Variants in TDRD7 observed in about 807,000 individuals in gnomAD.
TDRD7 encodes the protein tudor domain-containing protein 7.
A neutral mutation model predicts 109.8 loss-of-function variants in TDRD7; 47 were observed. The ratio of observed to expected loss-of-function variants is 0.43; its 90% CI spans 0.34 to 0.55. The LOEUF is 0.55. TDRD7 is among the 20% of genes least tolerant of loss of function. TDRD7 has a pLI of 0.03. For missense variants in TDRD7, 1,164 were observed against 1,319.2 expected (o/e 0.88, Z 1.82); for synonymous variants, 424 against 457.3 (o/e 0.93, Z 0.93).
rs1828783514 is a variant in TDRD7 at position 97,464,256 on chromosome 9, G to A, written c.1443-586G>A. ...GGACACTATCGCTGCTTCCTGTTAT[G>A]CCCTCTCGTTGTCTGGATTGCTCCA... On this transcript the variant is annotated intron_variant, in intron 7 of 16. Transcript: ENST00000355295. Among the ~76,000 whole-genome samples the A allele has an allele frequency of 2.0e-5, 3 of 152,118 alleles. No individual in the cohort carries two copies. In the South Asian group the frequency reaches 6.2e-4, roughly 31 times the overall value.
intron 14 of TDRD7, 86 bp downstream of exon 14, chr9:97,481,024 C>G (rs1587892177): frequency 8.7e-7 from 1 of 1,151,564 alleles, no homozygotes; most frequent in Middle Eastern, 1.9e-4. Flanking sequence ...GGAATTTTAT[C>G]TCACTGTAAA....
chr9:97,474,566 C>T lies in TDRD7; in HGVS notation c.2080-817C>T, dbSNP rs934517971. ...AATATGTGCCGAATCAGCTTAAACCCGCATTCAAAGTACAGTCTGGAATTG... is the reference window on the plus strand; with the variant it reads ...AATATGTGCCGAATCAGCTTAAACCTGCATTCAAAGTACAGTCTGGAATTG... On this transcript the variant is annotated intron_variant, in intron 11 of 16. Transcript: ENST00000355295. Among the ~76,000 whole-genome samples, 12 of 152,120 alleles carry T rather than the reference C, an allele frequency of 7.9e-5. No individual in the cohort carries two copies. The South Asian group carries it at 8.3e-4, about 11-fold the overall frequency.
At chr9:97,489,780 A>G (rs967552191) in intron 16 of TDRD7, among the ~76,000 whole-genome samples, 1 of 152,120 alleles carries the variant, frequency 6.6e-6, no homozygotes, top group African/African-American at 2.4e-5. Flanking sequence ...ATTTTAAGTA[A>G]TGCCACTTTC....
At position 97,460,574 on chromosome 9, in the gene TDRD7, G is replaced by A. The variant is rs776583414; in HGVS notation, c.1252G>A (p.Gly418Arg). 6.2e-7 allele frequency: 1 copy of A among 1,614,212 alleles called. No homozygotes were observed. Among genetic ancestry groups the A allele is most frequent in the Non-Finnish European group, 8.5e-7 (1 of 1,180,040 alleles). The change falls in exon 7 of 17, where the codon GGG becomes AGG. Residue 418 changes from glycine to arginine, a missense_variant. Coordinates refer to ENST00000355295, the MANE Select transcript of TDRD7 (RefSeq NM_014290.3). ...LPTDKIQKDA[G>R]QAHGDNDIKA... ...CACTGACAAAATCCAAAAGGATGCA[G>A]GGCAAGCACATGGTGATAATGATAT...
chr9:97,471,243 G>A (rs987282123), intron 9 of TDRD7, among the ~76,000 whole-genome samples: 2 of 152,152 alleles, frequency 1.3e-5, no homozygotes, highest in African/African-American at 2.4e-5. Context: ...GGTCATGTCC[G>A]TGATAAGGAA....
chr9:97,473,873 A>T (rs1431353781), intron 11 of TDRD7, among the ~76,000 whole-genome samples: 3 of 152,210 alleles, frequency 2.0e-5, no homozygotes. Context: ...TGTCCTGAGG[A>T]CACTGTGCCT....
rs1207422603 is a variant in TDRD7 at position 97,464,841 on chromosome 9, G to A, written c.1443-1G>A. The stretch of plus-strand genomic sequence containing the variant: ...GCATTCTCTTCTTTTAACTGATTCA[G>A]GTATGTGGGCAAAGACTATTCTGCT... On this transcript the variant is annotated splice_acceptor_variant, in intron 7 of 16. Transcript: ENST00000355295. LOFTEE classifies it high-confidence loss of function. 6.2e-7 allele frequency: 1 copy of A among 1,614,048 alleles called. No homozygotes were observed. Among genetic ancestry groups the A allele is most frequent in the Admixed American group, 1.7e-5 (1 of 60,004 alleles).
chr9:97,416,160 C>T (rs1827807188), intron 1 of TDRD7, among the ~76,000 whole-genome samples: 2 of 152,176 alleles, frequency 1.3e-5, no homozygotes, highest in South Asian at 4.1e-4. Context: ...AGGGATTCCC[C>T]TTCCCTTCAA....
chr9:97,426,237 A>C (rs1468096033), intron 1 of TDRD7, among the ~76,000 whole-genome samples: 1 of 152,064 alleles, frequency 6.6e-6, no homozygotes, highest in Non-Finnish European at 1.5e-5. Context: ...AAATTTATTA[A>C]AAGTTTTCAT....
At chr9:97,452,955 A>C (rs1170350794) in intron 6 of TDRD7, among the ~76,000 whole-genome samples, 1 of 152,166 alleles carries the variant, frequency 6.6e-6, no homozygotes, top group African/African-American at 2.4e-5. Flanking sequence ...TAAGGCACAG[A>C]TGGAATGGCA....
In TDRD7 at chr9:97,483,124, C is replaced by T; in HGVS notation, c.2688C>T (p.Phe896=). The T allele has an allele frequency of 6.2e-7, 1 of 1,614,182 alleles. No individual in the cohort carries two copies. The highest frequency in any genetic ancestry group is 8.5e-7 in the Non-Finnish European group (1 of 1,180,036). The change falls in exon 15 of 17, where the codon TTC becomes TTT. Residue 896 remains phenylalanine (F), a synonymous_variant. Coordinates refer to ENST00000355295, the MANE Select transcript of TDRD7 (RefSeq NM_014290.3). The stretch of plus-strand genomic sequence containing the variant: ...CCATGGTGGACCATACGAGCGCTTT[C>T]TCCACAGAGGAACTGCCACCTCCTG... ...KKSMVDHTSA[F]STEELPPPVH... is the part of the protein sequence containing the mutation.
intron 1 of TDRD7, among the ~76,000 whole-genome samples, chr9:97,415,457 T>G (rs570154433): frequency 6.6e-6 from 1 of 152,276 alleles, no homozygotes; most frequent in East Asian, 1.9e-4. Flanking sequence ...TCAGGTATAG[T>G]AAAGAGAAAA....
chr9:97,421,638 C>T (rs888717056), intron 1 of TDRD7, among the ~76,000 whole-genome samples: 4 of 151,890 alleles, frequency 2.6e-5, no homozygotes, highest in African/African-American at 7.3e-5. Context: ...CGCACCATGA[C>T]GGCTCACTGC....
chr9:97,423,814 A>G (rs1447955623), intron 1 of TDRD7, among the ~76,000 whole-genome samples: 1 of 152,088 alleles, frequency 6.6e-6, no homozygotes, highest in East Asian at 1.9e-4. Context: ...GATTGTTCAC[A>G]TATCTTTGTG....
rs12002167 is a variant in TDRD7, at chr9:97,412,789, G to C, written c.-7+551G>C. ...ACACACATCCCCATTTCTCTCAAAC[G>C]AGGAGCACCCAGTGGGTACAGAGCA... On this transcript the variant is annotated intron_variant, in intron 1 of 16. Transcript: ENST00000355295. This position sits in a 1 kb window ranked among gnomAD's most constrained non-coding sequence, Gnocchi z 4.3. 0.031 allele frequency among the ~76,000 whole-genome samples: 4,688 copies of C among 152,216 alleles called. 169 individuals are homozygous for C. The highest frequency in any genetic ancestry group is 0.11 in the East Asian group (547 of 5,174).
At chr9:97,490,035 C>T (rs1438234829) in intron 16 of TDRD7, among the ~76,000 whole-genome samples, 2 of 148,534 alleles carry the variant, frequency 1.3e-5, no homozygotes, top group African/African-American at 4.9e-5. Flanking sequence ...TGCACACGTG[C>T]ACACACACAC....
intron 1 of TDRD7, among the ~76,000 whole-genome samples, chr9:97,421,131 T>C (rs1827892391): frequency 7.1e-6 from 1 of 141,798 alleles, no homozygotes; most frequent in Admixed American, 7.0e-5. Flanking sequence ...CTGGACTCTG[T>C]CTCAAAAAAA....
intron 6 of TDRD7, among the ~76,000 whole-genome samples, chr9:97,456,563 G>A (rs555585605): frequency 1.3e-5 from 2 of 152,164 alleles, no homozygotes; most frequent in South Asian, 4.2e-4. Context: ...CCTGACAAAA[G>A]CAATGGGGAA....
chr9:97,482,633 T>C (rs1489889386), intron 14 of TDRD7, among the ~76,000 whole-genome samples: 1 of 152,192 alleles, frequency 6.6e-6, no homozygotes, highest in African/African-American at 2.4e-5. Flanking sequence ...ATTAGTAAAT[T>C]TTTTATTTCC....
Sources: allele counts gnomAD v4.1 joint callset (sites outside exome capture counted in the v4.1 genomes callset), GRCh38; gene constraint gnomAD v4.1.1; non-coding constraint Gnocchi (gnomAD v3.1); transcripts MANE v1.5; gene names NCBI Gene and HGNC (gene_info 2026-07-23, HGNC 2026-07-21).